The following RASGRP3 variants were observed in gnomAD, a reference collection of about 807,000 sequenced individuals.
The protein encoded by RASGRP3 is ras guanyl-releasing protein 3.
A neutral mutation model predicts 82.7 loss-of-function variants in RASGRP3; 54 were observed. That is an observed-to-expected ratio of 0.65 (90% CI 0.52 to 0.82). The LOEUF is 0.82. Ranked by LOEUF, RASGRP3 falls within the 40% of genes least tolerant of loss-of-function variation. The pLI is 0.00. For missense variants in RASGRP3, 861 were observed against 828.9 expected (o/e 1.04, Z -0.48); for synonymous variants, 309 against 300.5 (o/e 1.03, Z -0.29).
chr2:33,493,434 T>C (rs1225073523), intron 1 of RASGRP3, among the ~76,000 whole-genome samples: 1 of 152,154 alleles, frequency 6.6e-6, no homozygotes, highest in East Asian at 1.9e-4. Context: ...AGAGGAGTAC[T>C]TGAAAGTCTT....
intron 9 of RASGRP3, among the ~76,000 whole-genome samples, chr2:33,525,106 A>T (rs7592204): frequency 0.41 from 61,329 of 149,138 alleles, 13,244 homozygotes; most frequent in East Asian, 0.62. Context: ...AAAAAAAAAA[A>T]AAAAAACTCA....
chr2:33,537,324 C>T, intron 11 of RASGRP3, among the ~76,000 whole-genome samples: 1 of 28,488 alleles, frequency 3.5e-5, no homozygotes, highest in Admixed American at 3.9e-4. Context: ...ACACACACCG[C>T]CCCCCCCACA....
At chr2:33,482,289 G>C (rs6741198) in intron 1 of RASGRP3, 31,384 of 152,162 alleles carry the variant, frequency 0.21, 4,761 homozygotes, top group African/African-American at 0.43. Flanking sequence ...GCTTGGATTA[G>C]AGGCGTGAGC....
chr2:33,459,421 A>G (rs1202828962), intron 2 of RASGRP3, among the ~76,000 whole-genome samples: 2 of 152,260 alleles, frequency 1.3e-5, no homozygotes, highest in Non-Finnish European at 2.9e-5. Context: ...GGCGTGAGCC[A>G]CTGCACCCAG....
intron 13 of RASGRP3, 143 bp from the exon 14 acceptor site, chr2:33,549,461 C>G: frequency 1.1e-5 from 9 of 795,952 alleles, no homozygotes; most frequent in Non-Finnish European, 1.8e-5. Flanking sequence ...GAGGTTTGCT[C>G]CTTCTCTGAG....
chr2:33,470,365 A>G (rs1666981556), intron 2 of RASGRP3, among the ~76,000 whole-genome samples: 1 of 146,304 alleles, frequency 6.8e-6, no homozygotes, highest in South Asian at 2.2e-4. Context: ...ATTATAAATA[A>G]TACTATAACT....
intron 14 of RASGRP3, among the ~76,000 whole-genome samples, chr2:33,552,649 A>G (rs1430516205): frequency 6.6e-6 from 1 of 152,230 alleles, no homozygotes; most frequent in Non-Finnish European, 1.5e-5. Context: ...CTTTTAAAAT[A>G]AATTCCATTT....
chr2:33,534,256 A>T, intron 10 of RASGRP3, 67 bp from the exon 11 acceptor site: 2 of 1,153,162 alleles, frequency 1.7e-6, no homozygotes, highest in Non-Finnish European at 2.5e-6. Context: ...CTTGAAAAAA[A>T]ATTCAGCAAC....
intron 13 of RASGRP3, among the ~76,000 whole-genome samples, chr2:33,546,896 A>C (rs981607012): frequency 6.6e-6 from 1 of 151,846 alleles, no homozygotes; most frequent in Non-Finnish European, 1.5e-5. Context: ...GAGAAACCCC[A>C]TCTCTACTGA....
Position 33,466,232 on chromosome 2 carries a change from G to C in RASGRP3, c.-261+18289G>C, listed in dbSNP as rs372063238. The stretch of plus-strand genomic sequence containing the variant: ...TGACCAGAGTAAATTGAAAGGAGCA[G>C]AATAAATTGAAATCCTTCTGGAAAG... On this transcript the variant is annotated intron_variant, in intron 2 of 18. Coordinates refer to the RASGRP3 transcript ENST00000402538. Among the ~76,000 whole-genome samples the C allele has an allele frequency of 5.3e-5, 8 of 152,344 alleles. No homozygotes were observed. The East Asian group carries it at 1.3e-3, about 26-fold the overall frequency.
At chr2:33,529,487 C>CAA (rs56664748) in intron 10 of RASGRP3, among the ~76,000 whole-genome samples, 6 of 57,042 alleles carry the variant, frequency 1.1e-4, no homozygotes, top group South Asian at 1.3e-3. Flanking sequence ...GACTCCATCT[C>CAA]AAAAAAAAAA....
At chr2:33,466,991 T>C (rs1280441663) in intron 2 of RASGRP3, among the ~76,000 whole-genome samples, 1 of 152,108 alleles carries the variant, frequency 6.6e-6, no homozygotes, top group Non-Finnish European at 1.5e-5. Flanking sequence ...TAATAGCATC[T>C]CCTTAGATCA....
chr2:33,543,944 A>C (rs770867067), intron 13 of RASGRP3, among the ~76,000 whole-genome samples: 12 of 152,218 alleles, frequency 7.9e-5, no homozygotes, highest in African/African-American at 2.4e-4. Context: ...GTAGAGGAGA[A>C]ATATTGTTAG....
intron 1 of RASGRP3, among the ~76,000 whole-genome samples, chr2:33,444,953 A>G (rs625318): frequency 1.3e-5 from 2 of 152,240 alleles, no homozygotes; most frequent in East Asian, 3.8e-4. Flanking sequence ...TATGCTCCTA[A>G]TAGTGCCTAC....
At chr2:33,472,573 A>C (rs755157356), upstream of RASGRP3, among the ~76,000 whole-genome samples, 1 of 152,210 alleles carries the variant, frequency 6.6e-6, no homozygotes, top group Non-Finnish European at 1.5e-5. Flanking sequence ...GCGGAAGAGA[A>C]GCCCAGACCT....
intron 1 of RASGRP3, among the ~76,000 whole-genome samples, chr2:33,447,385 A>T (rs1665559329): frequency 6.6e-6 from 1 of 151,790 alleles, no homozygotes; most frequent in Non-Finnish European, 1.5e-5. Context: ...GACAAAACAT[A>T]GGGTAATTGT....
At chr2:33,541,059 T>G (rs1183327733) in intron 12 of RASGRP3, among the ~76,000 whole-genome samples, 1 of 146,886 alleles carries the variant, frequency 6.8e-6, no homozygotes, top group Non-Finnish European at 1.5e-5. Flanking sequence ...AAACTGGAGA[T>G]TAATTAAAAC....
chr2:33,543,696 A>T, intron 13 of RASGRP3, 69 bp downstream of exon 13: 1 of 1,127,170 alleles, frequency 8.9e-7, no homozygotes, highest in South Asian at 1.5e-5. Flanking sequence ...AGAGGAGAGA[A>T]GGGAAACTTG....
At chr2:33,548,988 C>T (rs1358859224) in intron 13 of RASGRP3, among the ~76,000 whole-genome samples, 1 of 151,996 alleles carries the variant, frequency 6.6e-6, no homozygotes, top group Non-Finnish European at 1.5e-5. Flanking sequence ...CGCACCTGGC[C>T]GATTTGATCA....
Sources: gnomAD v4.1 joint callset for allele counts (sites outside exome capture counted in the v4.1 genomes callset) on GRCh38, gnomAD v4.1.1 for gene constraint, MANE v1.5 for transcripts, NCBI Gene and HGNC (gene_info 2026-07-23, HGNC 2026-07-21) for gene names.